UBXN8: variants seen among roughly 807,000 people sequenced by gnomAD.
UBXN8 encodes UBX domain protein 8.
UBXN8 carries 27 observed loss-of-function variants against 32.1 expected under a neutral mutation model. The observed-to-expected ratio is 0.84, with a 90% CI of 0.62 to 1.16. The LOEUF is 1.16. Ranked by LOEUF, UBXN8 falls within the 50% of genes most tolerant of loss-of-function variation. The pLI is 0.00. For missense variants in UBXN8, 306 were observed against 311.4 expected, an observed-to-expected ratio of 0.98 and a Z score of 0.13; for synonymous variants, 109 against 111.8, an observed-to-expected ratio of 0.98 and a Z score of 0.16.
intron 1 of UBXN8, chr8:30,744,586 G>T: frequency 4.2e-6 from 2 of 471,228 alleles, no homozygotes; most frequent in Non-Finnish European, 7.5e-6. Flanking sequence ...GGTCTTGTGA[G>T]AATTTAGGCT....
At chr8:30,760,188 G>A (rs1308349248) in intron 5 of UBXN8, among the ~76,000 whole-genome samples, 1 of 141,284 alleles carries the variant, frequency 7.1e-6, no homozygotes, top group East Asian at 2.1e-4. Flanking sequence ...TCAGCCTCCC[G>A]AGTAGCTGGG....
At chr8:30,758,900 T>TTTTTTTTTTTTTTTTTTTTTG (rs1554578741) in intron 5 of UBXN8, among the ~76,000 whole-genome samples, 3 of 121,998 alleles carry the variant, frequency 2.5e-5, no homozygotes, top group African/African-American at 6.2e-5. Context: ...TTTTGTTTTT[T>TTTTTTTTTTTTTTTTTTTTTG]TTTTTTTTTT....
intron 3 of UBXN8, chr8:30,754,388 C>T: frequency 1.9e-6 from 1 of 526,306 alleles, no homozygotes; most frequent in South Asian, 1.6e-5. Flanking sequence ...AAAAGTAGAT[C>T]CTCCCATTCT....
rs1445592192 is a variant in UBXN8 at position 30,744,255 on chromosome 8, CCGGCG to C, written c.67_71del (p.Arg23TrpfsTer36). 2.5e-6 allele frequency: 4 copies of C among 1,613,674 alleles called. No individual in the cohort carries two copies. In the African/African-American group the frequency reaches 5.3e-5, roughly 22 times the overall value. On this transcript the variant is annotated frameshift_variant, in exon 1 of 8. Coordinates refer to ENST00000265616, the MANE Select transcript of UBXN8 (RefSeq NM_005671.4). LOFTEE classifies it high-confidence loss of function. ...CTGTCCCCCTTGTGTGTCTGGAGCT[CCGGCG>C]TGGGATCCCGGATATAGGTAAGTGT...
chr8:30,731,086 T>C (rs542653646), upstream of UBXN8, among the ~76,000 whole-genome samples: 2 of 152,176 alleles, frequency 1.3e-5, no homozygotes, highest in Non-Finnish European at 2.9e-5. Context: ...AGTGTGCTTA[T>C]TGTAAAGAAA....
intron 2 of UBXN8, 125 bp from the exon 3 acceptor site, chr8:30,752,910 T>C: frequency 2.9e-6 from 3 of 1,044,646 alleles, no homozygotes; most frequent in South Asian, 5.7e-5. Context: ...GACAATGTGA[T>C]GTGTTAGGGT....
intron 1 of UBXN8, among the ~76,000 whole-genome samples, chr8:30,734,857 C>G (rs2911665): frequency 0.63 from 95,464 of 152,022 alleles, 35,246 homozygotes; most frequent in Non-Finnish European, 0.81. Context: ...GGTAGCAGAT[C>G]ACTTGAGCCC....
At chr8:30,755,375 A>G (rs1805629962) in intron 4 of UBXN8, among the ~76,000 whole-genome samples, 1 of 151,994 alleles carries the variant, frequency 6.6e-6, no homozygotes, top group Non-Finnish European at 1.5e-5. Flanking sequence ...TCAGCTTCTT[A>G]AGTAGCTGGG....
upstream of UBXN8, among the ~76,000 whole-genome samples, chr8:30,742,437 A>C (rs1353972884): frequency 6.6e-6 from 1 of 151,962 alleles, no homozygotes; most frequent in Non-Finnish European, 1.5e-5. Flanking sequence ...TGCAGACTTG[A>C]CCTCCTGGGC....
Position 30,744,263 on chromosome 8 carries a change from G to A in UBXN8, c.74G>A (p.Gly25Glu). 1.2e-6 allele frequency: 2 copies of A among 1,613,660 alleles called. No homozygotes were observed. The highest frequency in any genetic ancestry group is 1.7e-6 in the Non-Finnish European group (2 of 1,179,780). ...VPLVCLELRR[G>E]IPDIGIKDFL... ...CTTGTGTGTCTGGAGCTCCGGCGTG[G>A]GATCCCGGATATAGGTAAGTGTGAC... The change falls in exon 1 of 8, where the codon GGG becomes GAG. Residue 25 changes from glycine (G) to glutamate (E), a missense_variant. Transcript: ENST00000265616.
At chr8:30,749,969 TATAC>T (rs758358515) in intron 1 of UBXN8, among the ~76,000 whole-genome samples, 35 of 152,304 alleles carry the variant, frequency 2.3e-4, no homozygotes, top group Non-Finnish European at 3.8e-4. Flanking sequence ...AACTACAACT[TATAC>T]ATTACTGATA....
chr8:30,757,031 C>A (rs868680246), intron 5 of UBXN8, 144 bp downstream of exon 5: 4 of 1,281,884 alleles, frequency 3.1e-6, no homozygotes, highest in Middle Eastern at 5.0e-4. Flanking sequence ...AGCAATCACC[C>A]CAGAATAGGC....
chr8:30,742,515 A>ATT (rs879742087), upstream of UBXN8, among the ~76,000 whole-genome samples: 49 of 146,188 alleles, frequency 3.4e-4, no homozygotes, highest in Non-Finnish European at 6.2e-4. Context: ...ACGCGCAGCT[A>ATT]TTTTTTTTTT....
intron 6 of UBXN8, among the ~76,000 whole-genome samples, chr8:30,761,728 GA>G (rs796963982): frequency 1.3e-5 from 2 of 151,784 alleles, no homozygotes; most frequent in Non-Finnish European, 2.9e-5. Flanking sequence ...AAAAAAAAAG[GA>G]AAAAAAACTA....
chr8:30,738,501 A>G (rs951122792), intron 1 of UBXN8, among the ~76,000 whole-genome samples: 1 of 151,852 alleles, frequency 6.6e-6, no homozygotes, highest in Non-Finnish European at 1.5e-5. Context: ...TCTACTAAAA[A>G]TACAAAAAAA....
chr8:30,766,417 T>G lies in UBXN8; in HGVS notation c.*23T>G, dbSNP rs1458830588. The G allele has an allele frequency of 6.4e-7, 1 of 1,559,534 alleles. No individual in the cohort carries two copies. The highest frequency in any genetic ancestry group is 8.7e-7 in the Non-Finnish European group (1 of 1,149,610). ...TAGGAAAGAAGGGAGAGCTCCCTGT[T>G]TGCATGAAGTCAGTTATGCTATGAC... is the stretch of plus-strand genomic sequence containing the variant. On this transcript the variant is annotated 3_prime_UTR_variant, in exon 8 of 8. Coordinates refer to ENST00000265616, the MANE Select transcript of UBXN8 (RefSeq NM_005671.4).
chr8:30,752,028 G>T (rs1162841582), intron 2 of UBXN8, among the ~76,000 whole-genome samples: 3 of 151,816 alleles, frequency 2.0e-5, no homozygotes, highest in Admixed American at 1.3e-4. Context: ...GAGTATTTGG[G>T]ACTACAGGCA....
At position 30,766,233 on chromosome 8, in the gene UBXN8, T is replaced by C. The variant is rs370192242; in HGVS notation, c.652T>C (p.Phe218Leu). 4.3e-6 allele frequency: 7 copies of C among 1,611,326 alleles called. No individual in the cohort carries two copies. Among genetic ancestry groups the C allele is most frequent in the Admixed American group, 3.3e-5 (2 of 59,808 alleles). The change falls in exon 8 of 8, where the codon TTT becomes CTT. Residue 218 changes from phenylalanine to leucine, a missense_variant. Coordinates refer to ENST00000265616, the MANE Select transcript of UBXN8 (RefSeq NM_005671.4). ...CAAGCTTTTCATCTTCTAGGTCTTA[T>C]TTGACTGGATGACGAGAATTGGGTA... Reference protein sequence around the residue: ...FLKSYSSQVLFDWMTRIGYHI... With the variant: ...FLKSYSSQVLLDWMTRIGYHI...
intron 7 of UBXN8, 84 bp from the exon 8 acceptor site, chr8:30,766,143 A>G: frequency 7.2e-7 from 1 of 1,384,562 alleles, no homozygotes; most frequent in Non-Finnish European, 9.6e-7. Flanking sequence ...TACATTGACA[A>G]AATTATAAAA....
Sources: gnomAD v4.1 joint callset for allele counts (sites outside exome capture counted in the v4.1 genomes callset) on GRCh38, gnomAD v4.1.1 for gene constraint, MANE v1.5 for transcripts, NCBI Gene and HGNC (gene_info 2026-07-23, HGNC 2026-07-21) for gene names.